The following PTPRD variants were observed in gnomAD, a reference collection of about 807,000 sequenced individuals.
The protein encoded by PTPRD is protein tyrosine phosphatase receptor type D.
A neutral mutation model predicts 214.5 loss-of-function variants in PTPRD; 34 were observed. The observed-to-expected ratio is 0.16, with a 90% CI of 0.12 to 0.21. The LOEUF (loss-of-function observed/expected upper bound fraction) is 0.21. Among genes scored for constraint, PTPRD ranks in the 10% least tolerant of loss-of-function variants. PTPRD has a pLI of 1.00. For missense variants in PTPRD, 2,545 were observed against 2,398.7 expected, an observed-to-expected ratio of 1.06 and a Z score of -1.27; for synonymous variants, 1,128 against 845.7, an observed-to-expected ratio of 1.33 and a Z score of -5.79.
At chr9:8,680,990 A>G (rs755944552) in intron 12 of PTPRD, among the ~76,000 whole-genome samples, 7 of 152,182 alleles carry the variant, frequency 4.6e-5, no homozygotes, top group African/African-American at 1.7e-4. Context: ...ACATTTTCCT[A>G]TATTTCCTAG....
intron 35 of PTPRD, among the ~76,000 whole-genome samples, chr9:8,419,808 A>G (rs1222885834): frequency 6.6e-6 from 1 of 152,054 alleles, no homozygotes; most frequent in Non-Finnish European, 1.5e-5. Flanking sequence ...CCCTAATCTT[A>G]TTTCACATAC....
At chr9:10,324,477 T>C (rs1322108383) in intron 3 of PTPRD, among the ~76,000 whole-genome samples, 1 of 152,036 alleles carries the variant, frequency 6.6e-6, no homozygotes, top group Non-Finnish European at 1.5e-5. Flanking sequence ...AACAAGTAGA[T>C]GGATAATATT....
chr9:9,840,095 T>C (rs1333437459), intron 5 of PTPRD, among the ~76,000 whole-genome samples: 1 of 152,122 alleles, frequency 6.6e-6, no homozygotes, highest in Non-Finnish European at 1.5e-5. Context: ...TGAAGTGCAG[T>C]GGTGTGATCT....
chr9:10,246,287 C>T lies in PTPRD; in HGVS notation c.-545+94676G>A, dbSNP rs576403587. Reference sequence around the variant, plus strand: ...AGATGGAGTTTCGCTCTTGTTGCCCCGGCTGGAGTGCAATAGCTCGGTCTT... The same window carrying T: ...AGATGGAGTTTCGCTCTTGTTGCCCTGGCTGGAGTGCAATAGCTCGGTCTT... On this transcript the variant is annotated intron_variant, in intron 3 of 45. Transcript: ENST00000381196. 7.9e-5 allele frequency among the ~76,000 whole-genome samples: 12 copies of T among 152,144 alleles called. 1 individual carries two copies. Among genetic ancestry groups the T allele is most frequent in the Admixed American group, 7.2e-4 (11 of 15,272 alleles).
At chr9:9,915,608 C>G (rs150058258) in intron 5 of PTPRD, among the ~76,000 whole-genome samples, 1 of 149,568 alleles carries the variant, frequency 6.7e-6, no homozygotes, top group African/African-American at 2.5e-5. Context: ...CTATTGAGAA[C>G]TTTAACAACA....
At chr9:10,302,419 T>A (rs925083174) in intron 3 of PTPRD, among the ~76,000 whole-genome samples, 3 of 152,088 alleles carry the variant, frequency 2.0e-5, no homozygotes, top group Non-Finnish European at 4.4e-5. Flanking sequence ...CATAACAATA[T>A]TAACCGTAAA....
intron 12 of PTPRD, among the ~76,000 whole-genome samples, chr9:8,727,087 T>C (rs13292748): frequency 0.099 from 14,996 of 152,220 alleles, 1,026 homozygotes; most frequent in Non-Finnish European, 0.15. Flanking sequence ...CACACAACAG[T>C]AGAATCAAAT....
intron 2 of PTPRD, among the ~76,000 whole-genome samples, chr9:10,459,433 G>A (rs534138613): frequency 1.3e-5 from 2 of 152,056 alleles, no homozygotes; most frequent in Non-Finnish European, 2.9e-5. Context: ...GGATTGCTGG[G>A]TCAAATGGTA....
chr9:8,758,630 T>G (rs1225450046), intron 11 of PTPRD, among the ~76,000 whole-genome samples: 10 of 152,172 alleles, frequency 6.6e-5, no homozygotes, highest in Admixed American at 5.9e-4. Flanking sequence ...TTACAAAATG[T>G]TTTTTTAAAA....
intron 31 of PTPRD, among the ~76,000 whole-genome samples, chr9:8,469,616 A>G (rs1331506563): frequency 6.6e-6 from 1 of 152,108 alleles, no homozygotes; most frequent in Non-Finnish European, 1.5e-5. Context: ...CAGTTAAAGG[A>G]TTACTATTTT....
At chr9:9,725,951 T>A (rs954467761) in intron 7 of PTPRD, among the ~76,000 whole-genome samples, 3 of 152,278 alleles carry the variant, frequency 2.0e-5, no homozygotes, top group Admixed American at 6.5e-5. Context: ...AGGACAGTCA[T>A]GTAAAAGACA....
chr9:8,518,348 G>C lies in PTPRD; in HGVS notation c.1043C>G (p.Pro348Arg), dbSNP rs773495583. The change falls in exon 21 of 46, where the codon CCT becomes CGT. Residue 348 changes from proline (P) to arginine (R), a missense_variant. Physicochemically the swap from Pro to Arg is moderately radical, Grantham distance 103. Transcript: ENST00000381196. ...AATTATGTAATAAGAAACAGGCTCA[G>C]GGTTCCCAGAGTCCCACGTCAGTGT... is the stretch of plus-strand genomic sequence containing the variant. The part of the protein sequence containing the change: ...SITLTWDSGN[P>R]EPVSYYIIQH... 6.2e-7 allele frequency: 1 copy of C among 1,614,128 alleles called. No individual in the cohort carries two copies. The highest frequency in any genetic ancestry group is 2.2e-5 in the East Asian group (1 of 44,876).
intron 11 of PTPRD, among the ~76,000 whole-genome samples, chr9:8,779,045 G>C (rs2095594490): frequency 6.6e-6 from 1 of 152,082 alleles, no homozygotes; most frequent in South Asian, 2.1e-4. Flanking sequence ...AAGCTCAAAG[G>C]GAAAAAGAAG....
intron 5 of PTPRD, among the ~76,000 whole-genome samples, chr9:9,903,062 T>A (rs1447142363): frequency 7.4e-6 from 1 of 135,440 alleles, no homozygotes; most frequent in South Asian, 2.1e-4. Context: ...TATGTATATG[T>A]GTATTTGAGC....
intron 9 of PTPRD, among the ~76,000 whole-genome samples, chr9:9,254,255 G>A (rs1164351926): frequency 6.6e-6 from 1 of 151,944 alleles, no homozygotes; most frequent in Non-Finnish European, 1.5e-5. Flanking sequence ...AATTCTATTA[G>A]AACAAAAATT....
chr9:9,753,279 C>T (rs1564991085), intron 6 of PTPRD, among the ~76,000 whole-genome samples: 2 of 151,838 alleles, frequency 1.3e-5, no homozygotes, highest in Admixed American at 1.3e-4. Flanking sequence ...AGAACCAAAA[C>T]GTTTCAAAAA....
chr9:10,588,961 A>C (rs1224052722), intron 2 of PTPRD, among the ~76,000 whole-genome samples: 1 of 152,074 alleles, frequency 6.6e-6, no homozygotes, highest in African/African-American at 2.4e-5. Flanking sequence ...TCTGGGGAAG[A>C]TAACTTACTG....
At chr9:9,404,485 C>T (rs2072416989) in intron 8 of PTPRD, among the ~76,000 whole-genome samples, 1 of 151,970 alleles carries the variant, frequency 6.6e-6, no homozygotes, top group Admixed American at 6.6e-5. Context: ...ATTATTGCTG[C>T]TTTGGAATAT....
intron 2 of PTPRD, among the ~76,000 whole-genome samples, chr9:10,596,730 A>C (rs2076707503): frequency 6.6e-6 from 1 of 151,616 alleles, no homozygotes; most frequent in Non-Finnish European, 1.5e-5. Context: ...TAAAGAGAAG[A>C]AATTTACTTT....
Sources: gnomAD v4.1 joint callset for allele counts (sites outside exome capture counted in the v4.1 genomes callset) on GRCh38, gnomAD v4.1.1 for gene constraint, MANE v1.5 for transcripts, NCBI Gene and HGNC (gene_info 2026-07-23, HGNC 2026-07-21) for gene names.